The following LRR1 variants were observed in gnomAD, a reference collection of about 807,000 sequenced individuals.
The protein encoded by LRR1 is leucine-rich repeat protein 1.
A neutral mutation model predicts 31.6 loss-of-function variants in LRR1; 29 were observed. The ratio of observed to expected loss-of-function variants is 0.92; its 90% CI spans 0.68 to 1.25. The LOEUF is 1.25. Among genes scored for constraint, LRR1 ranks in the 50% most tolerant of loss-of-function variants. The pLI is 0.00. For synonymous variants in LRR1, 179 were observed against 181.4 expected, an observed-to-expected ratio of 0.99 and a Z score of 0.10; for missense variants, 485 against 487.2, an observed-to-expected ratio of 1.00 and a Z score of 0.04.
At chr14:49,601,060 G>C (rs1322568731) in intron 1 of LRR1, 4 of 1,611,246 alleles carry the variant, frequency 2.5e-6, no homozygotes, top group African/African-American at 1.3e-5. Flanking sequence ...CCAGAGTGGT[G>C]AAATAACAAG....
chr14:49,602,267 C>A, intron 1 of LRR1, 103 bp from the exon 2 acceptor site: 1 of 981,462 alleles, frequency 1.0e-6, no homozygotes, highest in Non-Finnish European at 1.5e-6. Flanking sequence ...GACTAAAAGC[C>A]AAACCAAAGC....
At chr14:49,600,949 A>T (rs1047016934) in intron 1 of LRR1, 47 of 1,558,306 alleles carry the variant, frequency 3.0e-5, no homozygotes, top group Non-Finnish European at 4.0e-5. Context: ...CTTTGACCAT[A>T]CACATTTCTG....
intron 3 of LRR1, among the ~76,000 whole-genome samples, chr14:49,609,551 C>A (rs1003075082): frequency 1.2e-4 from 18 of 148,916 alleles, no homozygotes; most frequent in Admixed American, 3.4e-4. Flanking sequence ...ACTGCAGGCA[C>A]CCGCCACCAC....
chr14:49,604,125 A>C (rs1882196141), intron 2 of LRR1, among the ~76,000 whole-genome samples: 1 of 150,998 alleles, frequency 6.6e-6, no homozygotes, highest in Non-Finnish European at 1.5e-5. Flanking sequence ...CAACATGGTG[A>C]AACCCTGTCT....
At chr14:49,614,023 G>A (rs574738573) in intron 3 of LRR1, among the ~76,000 whole-genome samples, 1 of 152,282 alleles carries the variant, frequency 6.6e-6, no homozygotes, top group East Asian at 1.9e-4. Context: ...TTAAAGGACA[G>A]GTGACTTTTT....
In LRR1 at chr14:49,603,710, A is replaced by ATTT. The variant is rs1566493069; in HGVS notation, c.282+1243_282+1244insTTT. 79 of 132,722 alleles carry ATTT rather than the reference A, an allele frequency of 6.0e-4. 17 individuals are homozygous for ATTT. Among genetic ancestry groups the ATTT allele is most frequent in the Admixed American group, 3.1e-3 (10 of 3,250 alleles). 8.2% of individuals were successfully genotyped at this position (132,722 alleles called of 1,614,324 possible). On this transcript the variant is annotated intron_variant, in intron 2 of 3. Transcript: ENST00000298288. ...TTTTTTTTTTTTTTTTTTTTTTTTA[A>ATTT]TGAGACAGAGTCTCTCCCTGTCACC... is the stretch of plus-strand genomic sequence containing the variant.
At chr14:49,609,230 T>TTTTTTTTTTC (rs775789399) in intron 3 of LRR1, among the ~76,000 whole-genome samples, 8,923 of 104,254 alleles carry the variant, frequency 0.086, 1,103 homozygotes, top group Non-Finnish European at 0.13. Context: ...TTTTTTTTTT[T>TTTTTTTTTTC]TTTTTTTTTT....
Position 49,607,904 on chromosome 14 carries a change from C to G in LRR1, c.787C>G (p.Gln263Glu), listed in dbSNP as rs756250676. Residue 263 changes from glutamine to glutamate, a missense_variant, in exon 3 of 4, where the codon CAA becomes GAA. Physicochemically the swap from Gln to Glu is conservative, Grantham distance 29. This residue lies in a region of LRR1 where 210 missense variants were observed against 200.4 expected (regional missense o/e 1.05). Transcript: ENST00000298288. The stretch of plus-strand genomic sequence containing the variant: ...AAAACTTGACGATAATGAATTGATT[C>G]AATTTCCTTGCAAGATAGGACAACT... ...NLKLDDNELI[Q>E]FPCKIGQLIN... 1.2e-6 allele frequency: 2 copies of G among 1,613,058 alleles called. No homozygotes were observed. The highest frequency in any genetic ancestry group is 1.3e-5 in the African/African-American group (1 of 74,860).
intron 3 of LRR1, among the ~76,000 whole-genome samples, chr14:49,613,302 G>A (rs1197308731): frequency 6.6e-6 from 1 of 150,646 alleles, no homozygotes; most frequent in Admixed American, 6.6e-5. Flanking sequence ...TTGTGCCACT[G>A]CGCTCCAGCC....
In LRR1 at chr14:49,608,899, C is replaced by CTTTTTTT. The variant is rs34457930; in HGVS notation, c.1004+799_1004+805dup. Among the ~76,000 whole-genome samples the CTTTTTTT allele has an allele frequency of 3.8e-4, 27 of 71,598 alleles. 1 individual carries two copies. The highest frequency in any genetic ancestry group is 1.6e-3 in the African/African-American group (26 of 16,688). The allele number at this position is 71,598 out of a possible 152,430, so 47.0% of individuals were successfully genotyped here. A position where few individuals can be genotyped will look rare whatever the true frequency, so the allele number is the denominator to read the frequency against. Reference sequence around the variant, plus strand: ...TCACCACTTTGTATGACTTTAACCTCTTTTTTTTTTTTTTTTTTTTTTTTT... The same window carrying CTTTTTTT: ...TCACCACTTTGTATGACTTTAACCTCTTTTTTTTTTTTTTTTTTTTTTTTTTTTTTTT... On this transcript the variant is annotated intron_variant, in intron 3 of 3. Transcript: ENST00000298288.
intron 2 of LRR1, among the ~76,000 whole-genome samples, chr14:49,606,674 T>A (rs1427316387): frequency 7.1e-6 from 1 of 140,954 alleles, no homozygotes; most frequent in Non-Finnish European, 1.5e-5. Context: ...TTTTAATTTT[T>A]CAGATAGAGT....
At chr14:49,599,745 G>T (rs898887693) in intron 1 of LRR1, among the ~76,000 whole-genome samples, 34 of 149,034 alleles carry the variant, frequency 2.3e-4, no homozygotes, top group Middle Eastern at 6.8e-3. Context: ...AGTGGCGGGG[G>T]CAGCGGGCGG....
At chr14:49,610,670 C>G (rs2139551389) in intron 3 of LRR1, among the ~76,000 whole-genome samples, 1 of 152,234 alleles carries the variant, frequency 6.6e-6, no homozygotes, top group Admixed American at 6.5e-5. Flanking sequence ...TCAAGCAGTT[C>G]TCCTGCCTCA....
At chr14:49,611,941 AAAAG>A (rs1176451957) in intron 3 of LRR1, among the ~76,000 whole-genome samples, 24 of 150,820 alleles carry the variant, frequency 1.6e-4, no homozygotes, top group Middle Eastern at 3.4e-3. Context: ...AAAAAAAAAG[AAAAG>A]AAAGAAATTG....
At chr14:49,611,003 AAAGTT>A (rs1414554833) in intron 3 of LRR1, among the ~76,000 whole-genome samples, 6 of 152,206 alleles carry the variant, frequency 3.9e-5, no homozygotes, top group Admixed American at 2.0e-4. Context: ...AAAACTGACC[AAAGTT>A]AAGGAACTGG....
chr14:49,606,937 G>A (rs538928413), intron 2 of LRR1, among the ~76,000 whole-genome samples: 10 of 152,244 alleles, frequency 6.6e-5, no homozygotes, highest in South Asian at 2.1e-4. Context: ...GATTACAGGC[G>A]TGAGCCACTG....
In LRR1 at chr14:49,607,771, C is replaced by T; in HGVS notation, c.654C>T (p.Ala218=). Residue 218 remains alanine, a synonymous_variant, in exon 3 of 4, where the codon GCC becomes GCT. Transcript: ENST00000298288. ...ATCACTTGGAGTCATTTAGTGTAGC[C>T]TTGTGTCATTCTACACTCCAGAAGT... is the stretch of plus-strand genomic sequence containing the variant. ...NDNHLESFSV[A]LCHSTLQKSL... The T allele has an allele frequency of 1.9e-6, 3 of 1,614,072 alleles. No homozygotes were observed. Among genetic ancestry groups the T allele is most frequent in the Non-Finnish European group, 2.5e-6 (3 of 1,179,972 alleles).
intron 3 of LRR1, chr14:49,612,436 TAC>T (rs1313925842): frequency 8.4e-7 from 1 of 1,187,406 alleles, no homozygotes; most frequent in Non-Finnish European, 1.1e-6. Flanking sequence ...AGATAGAAAA[TAC>T]AGTTTTTAAC....
intron 2 of LRR1, chr14:49,603,548 T>TTTTTTTTTA: frequency 5.6e-6 from 1 of 177,942 alleles, no homozygotes. Context: ...TTTTTTTTTT[T>TTTTTTTTTA]GAGATGGAGT....
Sources: gnomAD v4.1 joint callset for allele counts (sites outside exome capture counted in the v4.1 genomes callset) on GRCh38, gnomAD v4.1.1 for gene constraint, gnomAD v4.1.1 regional missense constraint, MANE v1.5 for transcripts, NCBI Gene and HGNC (gene_info 2026-07-23, HGNC 2026-07-21) for gene names.